Variants in NCKAP5 observed in about 807,000 individuals in gnomAD.
NCKAP5 encodes NCK associated protein 5, also known as nck-associated protein 5.
NCKAP5 carries 92 observed loss-of-function variants against 167.0 expected under a neutral mutation model. The ratio of observed to expected loss-of-function variants is 0.55; its 90% CI spans 0.47 to 0.66. The LOEUF is 0.66. Ranked by LOEUF, NCKAP5 falls within the 30% of genes least tolerant of loss-of-function variation. NCKAP5 has a pLI of 0.00. For missense variants in NCKAP5, 2,378 were observed against 2,315.0 expected, an observed-to-expected ratio of 1.03 and a Z score of -0.56; for synonymous variants, 891 against 877.4, an observed-to-expected ratio of 1.02 and a Z score of -0.27.
At chr2:132,957,577 A>ATCT (rs3075201) in intron 8 of NCKAP5, among the ~76,000 whole-genome samples, 59,908 of 151,676 alleles carry the variant, frequency 0.39, 13,878 homozygotes, top group African/African-American at 0.61. Flanking sequence ...TTTTTCTCTG[A>ATCT]TCTTGTCCTC....
At chr2:133,147,915 A>G (rs1377475096) in intron 5 of NCKAP5, among the ~76,000 whole-genome samples, 2 of 152,086 alleles carry the variant, frequency 1.3e-5, no homozygotes, top group South Asian at 2.1e-4. Context: ...TCTTGGAAGC[A>G]TGGGTACCAA....
chr2:132,918,071 T>C (rs761946896), intron 8 of NCKAP5, among the ~76,000 whole-genome samples: 1 of 152,322 alleles, frequency 6.6e-6, no homozygotes, highest in East Asian at 1.9e-4. Context: ...GTTTACCTTT[T>C]AAACTAATGG....
chr2:133,339,078 C>G (rs1178704014), intron 3 of NCKAP5, among the ~76,000 whole-genome samples: 1 of 151,938 alleles, frequency 6.6e-6, no homozygotes, highest in Non-Finnish European at 1.5e-5. Flanking sequence ...ATGATCCTGC[C>G]TTATAATCAG....
At chr2:133,209,118 C>A (rs1051977655) in intron 5 of NCKAP5, among the ~76,000 whole-genome samples, 3 of 151,654 alleles carry the variant, frequency 2.0e-5, no homozygotes, top group African/African-American at 7.3e-5. Flanking sequence ...AGAATGAATA[C>A]CTTCATACTC....
intron 11 of NCKAP5, among the ~76,000 whole-genome samples, chr2:132,806,584 A>G (rs1359524030): frequency 6.6e-6 from 1 of 151,996 alleles, no homozygotes; most frequent in Admixed American, 6.6e-5. Flanking sequence ...AGAATTGTCT[A>G]TTCACGTCCT....
At chr2:133,550,362 A>T (rs963365844) in intron 2 of NCKAP5, among the ~76,000 whole-genome samples, 16 of 151,376 alleles carry the variant, frequency 1.1e-4, no homozygotes, top group Non-Finnish European at 2.1e-4. Flanking sequence ...AATACTGGCA[A>T]AACGAATCCA....
intron 3 of NCKAP5, among the ~76,000 whole-genome samples, chr2:133,405,970 C>T (rs1574895424): frequency 6.6e-6 from 1 of 152,236 alleles, no homozygotes; most frequent in Admixed American, 6.5e-5. Context: ...CGACAGTACT[C>T]AAAATTCAGG....
At chr2:133,210,143 C>T (rs1015010763) in intron 5 of NCKAP5, among the ~76,000 whole-genome samples, 1 of 129,612 alleles carries the variant, frequency 7.7e-6, no homozygotes, top group Non-Finnish European at 1.6e-5. Flanking sequence ...CTAGTCTGGG[C>T]AACAAGAGTG....
intron 4 of NCKAP5, among the ~76,000 whole-genome samples, chr2:133,283,810 C>G (rs1410530164): frequency 6.6e-6 from 1 of 152,062 alleles, no homozygotes; most frequent in Admixed American, 6.5e-5. Flanking sequence ...AGGGTTTCAC[C>G]ATGTTGGCCA....
intron 2 of NCKAP5, among the ~76,000 whole-genome samples, chr2:133,558,570 G>A (rs192223367): frequency 5.1e-4 from 78 of 151,962 alleles, no homozygotes; most frequent in Admixed American, 1.5e-3. Flanking sequence ...TTCTGACTCC[G>A]TTACCTGCTT....
chr2:133,410,909 T>C (rs1688733772), intron 3 of NCKAP5, among the ~76,000 whole-genome samples: 1 of 152,126 alleles, frequency 6.6e-6, no homozygotes, highest in Non-Finnish European at 1.5e-5. Flanking sequence ...ACTGGGAGCA[T>C]TGGTCATTAT....
the NCKAP5 span, among the ~76,000 whole-genome samples, chr2:133,624,024 C>A: frequency 6.6e-6 from 1 of 152,048 alleles, no homozygotes; most frequent in African/African-American, 2.4e-5. Flanking sequence ...ATTAAAGTAA[C>A]TCAGAAGTGG....
intron 4 of NCKAP5, among the ~76,000 whole-genome samples, chr2:133,297,165 CAGTG>C (rs1213231757): frequency 2.5e-5 from 3 of 122,164 alleles, no homozygotes; most frequent in African/African-American, 9.6e-5. Context: ...CAGGTTGTCA[CAGTG>C]TGTGTGTGTG....
intron 3 of NCKAP5, among the ~76,000 whole-genome samples, chr2:133,385,347 GT>G (rs1686866735): frequency 6.6e-6 from 1 of 152,132 alleles, no homozygotes; most frequent in African/African-American, 2.4e-5. Flanking sequence ...GTTGGATTAT[GT>G]TTTTTGATTT....
chr2:133,072,802 C>T (rs975071563), intron 6 of NCKAP5, among the ~76,000 whole-genome samples: 2 of 152,034 alleles, frequency 1.3e-5, no homozygotes, highest in African/African-American at 2.4e-5. Context: ...AACCAAGTCA[C>T]GTTTGAGAAA....
At position 132,784,997 on chromosome 2, in the gene NCKAP5, G is replaced by A. The variant is rs1487554454; in HGVS notation, c.1814C>T (p.Ser605Leu). 1 of 1,613,824 alleles carries A rather than the reference G, an allele frequency of 6.2e-7. No individual in the cohort carries two copies. Among genetic ancestry groups the A allele is most frequent in the East Asian group, 2.2e-5 (1 of 44,894 alleles). The change falls in exon 14 of 20, where the codon TCA becomes TTA. Residue 605 changes from serine to leucine, a missense_variant. Ser to Leu is a moderately radical substitution (Grantham distance 145, BLOSUM62 -2). This residue lies in a region of NCKAP5 where 1,049 missense variants were observed against 1,023.4 expected (regional missense o/e 1.02). Transcript: ENST00000409261. Reference protein sequence around the residue: ...SSDEKSPSDVSLAADTDKSVE... With the variant: ...SSDEKSPSDVLLAADTDKSVE... ...GGACTTATCGGTGTCGGCAGCCAATGACACGTCTGAAGGACTTTTCTCATC... is the reference window on the plus strand; with the variant it reads ...GGACTTATCGGTGTCGGCAGCCAATAACACGTCTGAAGGACTTTTCTCATC...
intron 6 of NCKAP5, chr2:133,118,264 T>C (rs1282832391): frequency 6.6e-6 from 1 of 151,772 alleles, no homozygotes. Flanking sequence ...TTGCTTAGCA[T>C]AGAGCCAAAC....
chr2:132,674,355 A>T (rs770791429), intron 19 of NCKAP5, among the ~76,000 whole-genome samples: 5 of 152,214 alleles, frequency 3.3e-5, no homozygotes, highest in Non-Finnish European at 7.3e-5. Context: ...AGAGTGACAG[A>T]GATATTTGCC....
At chr2:132,700,062 G>A (rs940702062) in intron 19 of NCKAP5, among the ~76,000 whole-genome samples, 1 of 151,712 alleles carries the variant, frequency 6.6e-6, no homozygotes, top group African/African-American at 2.4e-5. Context: ...GTTTTGATTT[G>A]CATTTCTCTG....
Sources: allele counts gnomAD v4.1 joint callset (sites outside exome capture counted in the v4.1 genomes callset), GRCh38; gene constraint gnomAD v4.1.1; regional missense constraint gnomAD v4.1.1; transcripts MANE v1.5; gene names NCBI Gene and HGNC (gene_info 2026-07-23, HGNC 2026-07-21).